The following MIPOL1 variants were observed in gnomAD, a reference collection of about 807,000 sequenced individuals.
MIPOL1 encodes mirror-image polydactyly 1.
MIPOL1 carries 57 observed loss-of-function variants against 60.9 expected under a neutral mutation model. The ratio of observed to expected loss-of-function variants is 0.94; its 90% CI spans 0.76 to 1.17. The LOEUF is 1.17. Among genes scored for constraint, MIPOL1 ranks in the 50% most tolerant of loss-of-function variants. The probability of loss-of-function intolerance (pLI) is 0.00; values close to 1 mark genes in which losing one functional copy is unlikely to be tolerated. For synonymous variants in MIPOL1, 179 were observed against 168.8 expected (o/e 1.06, Z -0.47); for missense variants, 551 against 511.6 (o/e 1.08, Z -0.74).
chr14:37,464,649 G>T lies in MIPOL1; in HGVS notation c.1032-35259G>T, dbSNP rs190628171. ...CTGTTGGGTACAATGTTCACTATTT[G>T]GGTGGTGGCTGTACTAAAAGCCCAG... On this transcript the variant is annotated intron_variant, in intron 11 of 12. Transcript: ENST00000684589. Among the ~76,000 whole-genome samples the T allele has an allele frequency of 8.3e-4, 126 of 152,178 alleles. 1 individual carries two copies. The highest frequency in any genetic ancestry group is 2.4e-3 in the African/African-American group (100 of 41,544).
At chr14:37,377,374 C>T (rs2092805474) in intron 10 of MIPOL1, among the ~76,000 whole-genome samples, 1 of 152,074 alleles carries the variant, frequency 6.6e-6, no homozygotes. Flanking sequence ...CTTCTTATTA[C>T]ATGCTGTCTG....
intron 2 of MIPOL1, 38 bp from the exon 3 acceptor site, chr14:37,247,791 G>A: frequency 2.5e-6 from 3 of 1,215,572 alleles, no homozygotes; most frequent in Admixed American, 3.6e-5. Context: ...CTGATATATT[G>A]TTTTCAGTTT....
intron 11 of MIPOL1, among the ~76,000 whole-genome samples, chr14:37,480,125 C>G (rs1301917487): frequency 6.6e-6 from 1 of 152,072 alleles, no homozygotes; most frequent in Non-Finnish European, 1.5e-5. Context: ...AAGAACTAAT[C>G]CTTCTCTAAT....
In MIPOL1 at chr14:37,550,440, T is replaced by C. The variant is rs780584210; in HGVS notation, c.*3469T>C. 6.6e-6 allele frequency: 1 copy of C among 151,392 alleles called. No homozygotes were observed. Among genetic ancestry groups the C allele is most frequent in the Non-Finnish European group, 1.5e-5 (1 of 67,722 alleles). 9.4% of individuals were successfully genotyped at this position (151,392 alleles called of 1,614,324 possible). On this transcript the variant is annotated 3_prime_UTR_variant, in exon 13 of 13. Transcript: ENST00000684589. ...TTTGGAACCCAAATTTTTTACTGAT[T>C]TTATTGTGTTGTTGGTAACTAGTAT... is the stretch of plus-strand genomic sequence containing the variant.
At chr14:37,289,295 G>A (rs1403256664) in intron 7 of MIPOL1, among the ~76,000 whole-genome samples, 1 of 152,130 alleles carries the variant, frequency 6.6e-6, no homozygotes, top group Non-Finnish European at 1.5e-5. Context: ...GTTCTGCAGT[G>A]GACACCAGCT....
At chr14:37,305,704 G>A (rs1001887043) in intron 7 of MIPOL1, among the ~76,000 whole-genome samples, 2 of 151,924 alleles carry the variant, frequency 1.3e-5, no homozygotes, top group East Asian at 1.9e-4. Flanking sequence ...ACTCATGTTT[G>A]TATTGAAAGT....
At chr14:37,234,606 A>G (rs2153324711) in intron 1 of MIPOL1, among the ~76,000 whole-genome samples, 1 of 152,148 alleles carries the variant, frequency 6.6e-6, no homozygotes, top group South Asian at 2.1e-4. Flanking sequence ...GAGTGCTGGT[A>G]TTACAGGCAT....
intron 6 of MIPOL1, among the ~76,000 whole-genome samples, chr14:37,279,913 A>AT (rs755320947): frequency 5.3e-5 from 8 of 152,038 alleles, no homozygotes; most frequent in Non-Finnish European, 5.9e-5. Flanking sequence ...TGAAAATTGT[A>AT]TTTTTTGACC....
intron 11 of MIPOL1, 73 bp from the exon 12 acceptor site, chr14:37,499,835 G>A (rs1011893486): frequency 1.5e-6 from 1 of 678,930 alleles, no homozygotes; most frequent in Admixed American, 3.4e-5. Context: ...CTAAATGGAG[G>A]TTTTTGTTAA....
chr14:37,234,097 A>G (rs1971050522), intron 1 of MIPOL1, among the ~76,000 whole-genome samples: 1 of 152,202 alleles, frequency 6.6e-6, no homozygotes, highest in Non-Finnish European at 1.5e-5. Flanking sequence ...TGTTGTCTGC[A>G]GCTGATCTGG....
intron 12 of MIPOL1, among the ~76,000 whole-genome samples, chr14:37,524,600 T>C (rs1306505602): frequency 7.6e-6 from 1 of 131,274 alleles, no homozygotes; most frequent in Non-Finnish European, 1.6e-5. Context: ...TGGAGTCTCA[T>C]TCTGTCACCC....
intron 11 of MIPOL1, among the ~76,000 whole-genome samples, chr14:37,474,433 G>T (rs541036704): frequency 9.7e-4 from 148 of 152,220 alleles, no homozygotes; most frequent in African/African-American, 3.4e-3. Flanking sequence ...TTACCATGGT[G>T]TTCTCGTGAT....
intron 10 of MIPOL1, among the ~76,000 whole-genome samples, chr14:37,398,131 G>C (rs899600125): frequency 6.6e-6 from 1 of 152,082 alleles, no homozygotes; most frequent in East Asian, 1.9e-4. Context: ...GACCCAGCAG[G>C]CTCCCAGGGC....
chr14:37,421,224 G>GTTTTGT lies in MIPOL1; in HGVS notation c.937-1627_937-1622dup, dbSNP rs542773320. Among the ~76,000 whole-genome samples, 320 of 152,152 alleles carry GTTTTGT rather than the reference G, an allele frequency of 2.1e-3. 1 individual carries two copies. Among genetic ancestry groups the GTTTTGT allele is most frequent in the African/African-American group, 7.2e-3 (298 of 41,530 alleles). On this transcript the variant is annotated intron_variant, in intron 10 of 12. Transcript: ENST00000684589. Reference sequence around the variant, plus strand: ...ATTTTTGTTTTGTTGGTTGGTTTTGGTTTTGTTTTCTGTGCACAGGTACCA... The same window carrying GTTTTGT: ...ATTTTTGTTTTGTTGGTTGGTTTTGGTTTTGTTTTTGTTTTCTGTGCACAGGTACCA...
chr14:37,296,247 T>C (rs2153423164), intron 7 of MIPOL1, among the ~76,000 whole-genome samples: 1 of 152,296 alleles, frequency 6.6e-6, no homozygotes, highest in Middle Eastern at 3.4e-3. Context: ...AGATGTTCTT[T>C]GAAACCAACG....
At chr14:37,257,631 G>A (rs1421017184) in intron 3 of MIPOL1, among the ~76,000 whole-genome samples, 1 of 152,084 alleles carries the variant, frequency 6.6e-6, no homozygotes, top group Non-Finnish European at 1.5e-5. Context: ...CACAGGAAAT[G>A]GTCCATCTAC....
intron 3 of MIPOL1, among the ~76,000 whole-genome samples, chr14:37,263,192 A>G (rs761142447): frequency 3.3e-5 from 5 of 152,198 alleles, no homozygotes; most frequent in African/African-American, 4.8e-5. Context: ...GGGTTTAACA[A>G]CAGCATTAGC....
intron 1 of MIPOL1, among the ~76,000 whole-genome samples, chr14:37,210,519 A>G (rs980053527): frequency 1.3e-5 from 2 of 152,182 alleles, no homozygotes; most frequent in African/African-American, 2.4e-5. Context: ...AGGTTTATCA[A>G]TGCAGAACTA....
chr14:37,287,114 G>T (rs2084636873), intron 7 of MIPOL1, among the ~76,000 whole-genome samples: 1 of 151,896 alleles, frequency 6.6e-6, no homozygotes, highest in East Asian at 1.9e-4. Context: ...AGTTTTTTTG[G>T]TCTACAAAAT....
Sources: allele counts gnomAD v4.1 joint callset (sites outside exome capture counted in the v4.1 genomes callset), GRCh38; gene constraint gnomAD v4.1.1; transcripts MANE v1.5; gene names NCBI Gene and HGNC (gene_info 2026-07-23, HGNC 2026-07-21).